ATG2A: variants seen among roughly 807,000 people sequenced by gnomAD.
The protein encoded by ATG2A is autophagy-related protein 2 homolog A.
In ATG2A, 103 loss-of-function variants were observed where a neutral mutation model predicts 214.2. The observed-to-expected ratio is 0.48, with a 90% confidence interval of 0.41 to 0.57. ATG2A has a LOEUF of 0.57. Ranked by LOEUF, ATG2A falls within the 20% of genes least tolerant of loss-of-function variation. The pLI, the probability that ATG2A is intolerant of heterozygous loss-of-function variation, is 0.00. For synonymous variants in ATG2A, 1,160 were observed against 1,142.1 expected (o/e 1.02, Z -0.32); for missense variants, 2,312 against 2,613.2 (o/e 0.88, Z 2.51).
chr11:64,907,025 G>A (rs1050538521), intron 19 of ATG2A, among the ~76,000 whole-genome samples: 4 of 152,204 alleles, frequency 2.6e-5, no homozygotes, highest in Admixed American at 6.5e-5. Context: ...GGGAACAGTG[G>A]GTGCTCCATG....
In ATG2A at chr11:64,895,570, TCCTGCTCAG is replaced by T; in HGVS notation, c.5428-137_5428-129del. ...CCTGTCACTGTGCTGGCCTAGGGGG[TCCTGCTCAG>T]CCTCACTCCCCACTTCCTCCCACTC... On this transcript the variant is annotated intron_variant, in intron 39 of 40. Coordinates refer to ENST00000377264, the MANE Select transcript of ATG2A (RefSeq NM_015104.3). This position sits in a 1 kb window ranked among gnomAD's most constrained non-coding sequence, Gnocchi z 5.0. The T allele has an allele frequency of 9.0e-7, 1 of 1,108,002 alleles. No homozygotes were observed. Among genetic ancestry groups the T allele is most frequent in the Non-Finnish European group, 1.2e-6 (1 of 803,438 alleles). The allele number at this position is 1,108,002 out of a possible 1,614,324, so 68.6% of individuals were successfully genotyped here.
chr11:64,916,235 G>A (rs1310578600), intron 1 of ATG2A, among the ~76,000 whole-genome samples: 3 of 152,084 alleles, frequency 2.0e-5, no homozygotes, highest in African/African-American at 7.2e-5. Flanking sequence ...GCCTCCTCCC[G>A]GCTTGAAGCC....
chr11:64,901,009 G>C lies in ATG2A; in HGVS notation c.4203C>G (p.Gly1401=), dbSNP rs771183204. 20 of 1,589,112 alleles carry C rather than the reference G, an allele frequency of 1.3e-5. No individual in the cohort carries two copies. In the South Asian group the frequency reaches 1.4e-4, roughly 11 times the overall value. The change falls in exon 30 of 41, where the codon GGC becomes GGG. Residue 1401 remains glycine, a synonymous_variant. Coordinates refer to ENST00000377264, the MANE Select transcript of ATG2A (RefSeq NM_015104.3). ...VRDGYFSRPI[G]STDLLRAPAH... ...CAGGTGCCCGCAGCAAGTCCGTGCT[G>C]CCGATCGGCCGTGAGAAGTAACCGT...
At chr11:64,914,009 C>T (rs1313833971) in intron 3 of ATG2A, 72 bp downstream of exon 3, 20 of 1,559,534 alleles carry the variant, frequency 1.3e-5, no homozygotes, top group Non-Finnish European at 1.6e-5. Context: ...GTGGCCGTGC[C>T]GTTGTCTGGA....
At position 64,903,270 on chromosome 11, in the gene ATG2A, A is replaced by G; in HGVS notation, c.3612+18T>C. On this transcript the variant is annotated intron_variant, in intron 26 of 40. Transcript: ENST00000377264. This position sits in a 1 kb window ranked among gnomAD's most constrained non-coding sequence, Gnocchi z 4.2. Reference sequence around the variant, plus strand: ...CACCTGCTGTGGCTCCAGGAGCCAGAGTGACAGCCTCACTCACCAGTTTGC... The same window carrying G: ...CACCTGCTGTGGCTCCAGGAGCCAGGGTGACAGCCTCACTCACCAGTTTGC... 6.2e-7 allele frequency: 1 copy of G among 1,612,768 alleles called. No homozygotes were observed. The highest frequency in any genetic ancestry group is 8.5e-7 in the Non-Finnish European group (1 of 1,179,218).
chr11:64,896,722 G>A (rs150740265), intron 38 of ATG2A, 26 bp downstream of exon 38: 95 of 1,612,320 alleles, frequency 5.9e-5, no homozygotes, highest in East Asian at 1.8e-4. Flanking sequence ...AAGCAGTTTC[G>A]AGGGCTTCCA....
At chr11:64,904,945 T>G (rs905231823) in intron 24 of ATG2A, among the ~76,000 whole-genome samples, 10 of 152,326 alleles carry the variant, frequency 6.6e-5, no homozygotes, top group African/African-American at 2.4e-4. Context: ...AACCTCCGCC[T>G]CCCAGATTCA....
In ATG2A at chr11:64,910,700, G is replaced by C. The variant is rs771228776; in HGVS notation, c.1623C>G (p.Thr541=). ...TSEPEYTEIL[T]FPGTLGSQAS... is the part of the protein sequence containing the mutation. ...CCTGGGAGCCCAGCGTACCAGGAAA[G>C]GTCAGGATCTGGGATGGGACCCGGG... The change falls in exon 12 of 41, where the codon ACC becomes ACG. Residue 541 remains threonine (T), a synonymous_variant. Transcript: ENST00000377264. The C allele has an allele frequency of 1.2e-6, 2 of 1,610,324 alleles. No individual in the cohort carries two copies. Among genetic ancestry groups the C allele is most frequent in the Non-Finnish European group, 1.7e-6 (2 of 1,178,546 alleles).
Position 64,906,713 on chromosome 11 carries a change from G to A in ATG2A, c.2935C>T (p.Leu979Phe). Residue 979 changes from leucine (L) to phenylalanine (F), a missense_variant, in exon 20 of 41, where the codon CTT becomes TTT. Leu to Phe is a conservative substitution (Grantham distance 22). Coordinates refer to ENST00000377264, the MANE Select transcript of ATG2A (RefSeq NM_015104.3). ...SVSQYCGQPG[L>F]GYFCLEAEKA... Reference sequence around the variant, plus strand: ...TCAGCTTCCAGACAGAAGTAGCCAAGTCCTGGCTGGCCACAGTACTGGGAG... The same window carrying A: ...TCAGCTTCCAGACAGAAGTAGCCAAATCCTGGCTGGCCACAGTACTGGGAG... The A allele has an allele frequency of 1.2e-6, 2 of 1,613,668 alleles. No homozygotes were observed. Among genetic ancestry groups the A allele is most frequent in the Non-Finnish European group, 1.7e-6 (2 of 1,180,016 alleles).
intron 31 of ATG2A, among the ~76,000 whole-genome samples, chr11:64,899,784 A>G (rs1445203329): frequency 6.6e-6 from 1 of 152,050 alleles, no homozygotes; most frequent in Non-Finnish European, 1.5e-5. Context: ...GTAAGACTCA[A>G]AAGAAACATT....
chr11:64,915,252 C>T (rs1944936880), intron 1 of ATG2A, among the ~76,000 whole-genome samples: 1 of 151,858 alleles, frequency 6.6e-6, no homozygotes, highest in Non-Finnish European at 1.5e-5. Context: ...AACCTGGAAG[C>T]TCCTGGAGGG....
At chr11:64,915,733 CTTTGG>C (rs1198584096) in intron 1 of ATG2A, among the ~76,000 whole-genome samples, 35 of 152,232 alleles carry the variant, frequency 2.3e-4, no homozygotes, top group African/African-American at 8.4e-4. Flanking sequence ...AATCTCAGCA[CTTTGG>C]GAGGCTGAGG....
At position 64,909,346 on chromosome 11, in the gene ATG2A, T is replaced by A. The variant is rs1944674424; in HGVS notation, c.2129A>T (p.Lys710Met). The change falls in exon 15 of 41, where the codon AAG (lysine) becomes ATG (methionine). Residue 710 changes from lysine to methionine, a missense_variant. Coordinates refer to ENST00000377264, the MANE Select transcript of ATG2A (RefSeq NM_015104.3). ...GACACGCAGGCAAGGGACAGGTGGC[T>A]TCCCTCCATCTTCATAGATACCTGG... The part of the protein sequence containing the change: ...DLHGIYEDGG[K>M]PPVPCLRVSK... 5.6e-6 allele frequency: 9 copies of A among 1,613,380 alleles called. No homozygotes were observed. The highest frequency in any genetic ancestry group is 7.6e-6 in the Non-Finnish European group (9 of 1,179,956).
Position 64,895,030 on chromosome 11 carries a change from G to A in ATG2A, c.5760C>T (p.Val1920=). 6.2e-7 allele frequency: 1 copy of A among 1,613,330 alleles called. No homozygotes were observed. Among genetic ancestry groups the A allele is most frequent in the African/African-American group, 1.3e-5 (1 of 75,044 alleles). ...GGGCGTGGTCCTTGTGGGCGTCGGG[G>A]ACAATCTGGTTGCGCATGCCCCCGA... ...SLLGGMRNQI[V]PDAHKDHALK... Residue 1920 remains valine (V), a synonymous_variant, in exon 41 of 41, where the codon GTC becomes GTT. Coordinates refer to ENST00000377264, the MANE Select transcript of ATG2A (RefSeq NM_015104.3). This position sits in a 1 kb window ranked among gnomAD's most constrained non-coding sequence, Gnocchi z 5.0.
At chr11:64,908,773 CTCCCCAGGGG>C (rs1363395364) in intron 16 of ATG2A, among the ~76,000 whole-genome samples, 1 of 152,152 alleles carries the variant, frequency 6.6e-6, no homozygotes, top group Non-Finnish European at 1.5e-5. Flanking sequence ...AGGACCCATG[CTCCCCAGGGG>C]CCTGCCCTCA....
At chr11:64,897,223 G>A in intron 37 of ATG2A, 189 bp downstream of exon 37, 5 of 685,564 alleles carry the variant, frequency 7.3e-6, no homozygotes, top group Non-Finnish European at 1.2e-5. Flanking sequence ...GTTTCACCAT[G>A]TTGGTCAGGC....
At chr11:64,908,953 G>T in intron 16 of ATG2A, 38 bp downstream of exon 16, 1 of 1,543,262 alleles carries the variant, frequency 6.5e-7, no homozygotes, top group Non-Finnish European at 8.7e-7. Context: ...GGCGGTGGGC[G>T]GGAGGGGGTC....
At position 64,894,780 on chromosome 11, in the gene ATG2A, C is replaced by G; in HGVS notation, c.*193G>C. The G allele has an allele frequency of 1.3e-6, 1 of 762,174 alleles. No individual in the cohort carries two copies. 47.2% of individuals were successfully genotyped at this position (762,174 alleles called of 1,614,324 possible). A position where few individuals can be genotyped will look rare whatever the true frequency, so the allele number is the denominator to read the frequency against. On this transcript the variant is annotated 3_prime_UTR_variant, in exon 41 of 41. Transcript: ENST00000377264. ...GTCCTTTCTCCCCGGAGGAAAAGTG[C>G]AGAGCCAGGGCTAAGGCCCCAAGGC...
In ATG2A at chr11:64,900,629, C is replaced by T. The variant is rs768659883; in HGVS notation, c.4329G>A (p.Arg1443=). The change falls in exon 31 of 41, where the codon AGG becomes AGA. Residue 1443 remains arginine (R), a splice_region_variant and synonymous_variant. Coordinates refer to ENST00000377264, the MANE Select transcript of ATG2A (RefSeq NM_015104.3). ...GRDFGPHPGH[R]ARTGLSGPRS... ...TGGGACCTGAGAGGCCAGTTCTTGC[C>T]CTGGGAAGAGGGACAGGGGCCAAGC... is the stretch of plus-strand genomic sequence containing the variant. 1.2e-6 allele frequency: 2 copies of T among 1,601,392 alleles called. No homozygotes were observed. The highest frequency in any genetic ancestry group is 1.1e-5 in the South Asian group (1 of 89,660).
Sources: allele counts gnomAD v4.1 joint callset (sites outside exome capture counted in the v4.1 genomes callset), GRCh38; gene constraint gnomAD v4.1.1; non-coding constraint Gnocchi (gnomAD v3.1); transcripts MANE v1.5; gene names NCBI Gene and HGNC (gene_info 2026-07-23, HGNC 2026-07-21).